MXD4: variants seen among roughly 807,000 people sequenced by gnomAD.
The protein encoded by MXD4 is Mad4 homolog.
In MXD4, 16 loss-of-function variants were observed where a neutral mutation model predicts 24.5. That is an observed-to-expected ratio of 0.65 (90% CI 0.44 to 0.99). The LOEUF is 0.99. MXD4 is among the 50% of genes least tolerant of loss of function. MXD4 has a pLI of 0.00. For synonymous variants in MXD4, 164 were observed against 134.2 expected (o/e 1.22, Z -1.54); for missense variants, 301 against 301.5 (o/e 1.00, Z 0.01).
chr4:2,250,523 C>A lies in MXD4; in HGVS notation c.*21G>T. On this transcript the variant is annotated 3_prime_UTR_variant, in exon 6 of 6. Transcript: ENST00000337190. ...ACGCGTGGCTGGCGGGCAGGCAGGCCAAGGAGCAGAGGGCACGGGCCTACG... is the reference window on the plus strand; with the variant it reads ...ACGCGTGGCTGGCGGGCAGGCAGGCAAAGGAGCAGAGGGCACGGGCCTACG... 6.5e-7 allele frequency: 1 copy of A among 1,542,360 alleles called. No individual in the cohort carries two copies. Among genetic ancestry groups the A allele is most frequent in the Non-Finnish European group, 8.7e-7 (1 of 1,144,912 alleles).
At chr4:2,258,353 G>A (rs546966527) in intron 2 of MXD4, among the ~76,000 whole-genome samples, 1 of 152,262 alleles carries the variant, frequency 6.6e-6, no homozygotes, top group South Asian at 2.1e-4. Flanking sequence ...GCTGCAGGCA[G>A]GTCCAGGGCG....
At chr4:2,260,084 T>A (rs1046673980) in intron 2 of MXD4, among the ~76,000 whole-genome samples, 3 of 152,224 alleles carry the variant, frequency 2.0e-5, no homozygotes, top group African/African-American at 4.8e-5. Flanking sequence ...AGGGCAGTGC[T>A]GCCCACCCGA....
At position 2,250,490 on chromosome 4, in the gene MXD4, G is replaced by T; in HGVS notation, c.*54C>A. On this transcript the variant is annotated 3_prime_UTR_variant, in exon 6 of 6. Coordinates refer to ENST00000337190, the MANE Select transcript of MXD4 (RefSeq NM_006454.3). ...TGGCGTCAACTGAAGGAGAACTGGA[G>T]GGCTGACACGCGTGGCTGGCGGGCA... 6.7e-7 allele frequency: 1 copy of T among 1,493,130 alleles called. No homozygotes were observed. Among genetic ancestry groups the T allele is most frequent in the East Asian group, 2.5e-5 (1 of 40,546 alleles). The allele number at this position is 1,493,130 out of a possible 1,614,324, so 92.5% of individuals were successfully genotyped here.
At chr4:2,255,436 G>A in intron 3 of MXD4, 1 of 455,488 alleles carries the variant, frequency 2.2e-6, no homozygotes, top group Non-Finnish European at 4.4e-6. Flanking sequence ...GCCCAAGAGT[G>A]TGGGCGCCAG....
intron 2 of MXD4, 81 bp downstream of exon 2, chr4:2,261,644 A>T (rs919967514): frequency 1.3e-4 from 107 of 814,506 alleles, no homozygotes; most frequent in Non-Finnish European, 1.6e-4. Flanking sequence ...GCGGGCCGGG[A>T]ATCGGGGCCC....
chr4:2,259,004 G>GGCCT, intron 2 of MXD4: 1 of 455,048 alleles, frequency 2.2e-6, no homozygotes, highest in Non-Finnish European at 4.4e-6. Context: ...CACCTTCCGT[G>GGCCT]TCCAGGCAGG....
At chr4:2,261,631 G>A in intron 2 of MXD4, 94 bp downstream of exon 2, 1 of 715,720 alleles carries the variant, frequency 1.4e-6, no homozygotes, top group Non-Finnish European at 1.8e-6. Flanking sequence ...GGCGCTGAGG[G>A]CCGCGGGCCG....
At position 2,261,820 on chromosome 4, in the gene MXD4, G is replaced by T; in HGVS notation, c.69C>A (p.Ala23=). Reference sequence around the variant, plus strand: ...GCAGCACCGAGGCGTAGCCGTGCTCGGCCTCTGCGGACACACGGCGCGGTC... The same window carrying T: ...GCAGCACCGAGGCGTAGCCGTGCTCTGCCTCTGCGGACACACGGCGCGGTC... ...AEYLERRDRE[A]EHGYASVLPF... The change falls in exon 2 of 6, where the codon GCC becomes GCA. Residue 23 remains alanine (A), a synonymous_variant. Coordinates refer to ENST00000337190, the MANE Select transcript of MXD4 (RefSeq NM_006454.3). 1 of 1,383,880 alleles carries T rather than the reference G, an allele frequency of 7.2e-7. No homozygotes were observed. 85.7% of individuals were successfully genotyped at this position (1,383,880 alleles called of 1,614,324 possible).
chr4:2,252,150 G>T (rs1164004522), intron 4 of MXD4, among the ~76,000 whole-genome samples: 4 of 152,108 alleles, frequency 2.6e-5, no homozygotes. Context: ...CTGCGATGCG[G>T]CTTCTTATGC....
chr4:2,261,392 GACA>G (rs1735541040), intron 2 of MXD4, among the ~76,000 whole-genome samples: 1 of 152,168 alleles, frequency 6.6e-6, no homozygotes, highest in African/African-American at 2.4e-5. Context: ...AGCGCCCGCT[GACA>G]ACTTTTCTAC....
intron 3 of MXD4, chr4:2,255,488 G>A: frequency 1.4e-5 from 6 of 436,506 alleles, no homozygotes; most frequent in Non-Finnish European, 2.8e-5. Context: ...GAGCAGCAGT[G>A]GCCTGGAGCC....
At chr4:2,258,539 G>A (rs1735476303) in intron 2 of MXD4, among the ~76,000 whole-genome samples, 1 of 152,192 alleles carries the variant, frequency 6.6e-6, no homozygotes, top group Non-Finnish European at 1.5e-5. Flanking sequence ...CTGTGTCCTT[G>A]GAGCCAAAGC....
chr4:2,256,717 G>C (rs1431475265), intron 3 of MXD4, among the ~76,000 whole-genome samples: 1 of 152,158 alleles, frequency 6.6e-6, no homozygotes, highest in Non-Finnish European at 1.5e-5. Flanking sequence ...CCTCTGGGAG[G>C]AGAGGACAGA....
chr4:2,251,360 A>T (rs1176860321), intron 4 of MXD4, 114 bp from the exon 5 acceptor site: 1 of 1,308,502 alleles, frequency 7.6e-7, no homozygotes, highest in East Asian at 2.6e-5. Flanking sequence ...CCCTGCCAAG[A>T]CCTAGCCAAG....
chr4:2,256,262 G>A (rs1735427102), intron 3 of MXD4, among the ~76,000 whole-genome samples: 1 of 152,220 alleles, frequency 6.6e-6, no homozygotes, highest in Non-Finnish European at 1.5e-5. Flanking sequence ...AGGACCCTGG[G>A]GTTGGCAACG....
rs1267973487 is a variant in MXD4, at chr4:2,248,745, CCCCAT to C, written c.*1794_*1798del. ...GGACCCCCTTCCGCCACAGTGGGCCCCCCATCCTGGGGCGTCTATGCGTACGACTG... is the reference window on the plus strand; with the variant it reads ...GGACCCCCTTCCGCCACAGTGGGCCCCCTGGGGCGTCTATGCGTACGACTG... On this transcript the variant is annotated 3_prime_UTR_variant, in exon 6 of 6. Transcript: ENST00000337190. The C allele has an allele frequency of 6.6e-6, 1 of 152,320 alleles. No individual in the cohort carries two copies. Among genetic ancestry groups the C allele is most frequent in the Non-Finnish European group, 1.5e-5 (1 of 68,106 alleles). The allele number at this position is 152,320 out of a possible 1,614,324, so 9.4% of individuals were successfully genotyped here.
chr4:2,253,684 G>A (rs1735367164), intron 3 of MXD4: 1 of 152,196 alleles, frequency 6.6e-6, no homozygotes, highest in Non-Finnish European at 1.5e-5. Flanking sequence ...TTGTCCCCCT[G>A]GGAGTAACGT....
At position 2,261,754 on chromosome 4, in the gene MXD4, G is replaced by C; in HGVS notation, c.135C>G (p.Ala45=). Residue 45 remains alanine, a synonymous_variant, in exon 2 of 6, where the codon GCC becomes GCG. Transcript: ENST00000337190. ...TGTTCGGGGCCTTGCGCACCAGGCCGGCCGCCTTTGTTTTCTCCCTGGCGA... is the reference window on the plus strand; with the variant it reads ...TGTTCGGGGCCTTGCGCACCAGGCCCGCCGCCTTTGTTTTCTCCCTGGCGA... The part of the protein sequence containing the change: ...GDFAREKTKA[A]GLVRKAPNNR... 7.0e-7 allele frequency: 1 copy of C among 1,428,160 alleles called. No individual in the cohort carries two copies. The highest frequency in any genetic ancestry group is 9.2e-7 in the Non-Finnish European group (1 of 1,084,002). The allele number at this position is 1,428,160 out of a possible 1,614,324, so 88.5% of individuals were successfully genotyped here.
rs1225290502 is a variant in MXD4 at position 2,248,623 on chromosome 4, C to T, written c.*1921G>A. 6.6e-6 allele frequency: 1 copy of T among 152,326 alleles called. No individual in the cohort carries two copies. Among genetic ancestry groups the T allele is most frequent in the African/African-American group, 2.4e-5 (1 of 41,434 alleles). The allele number at this position is 152,326 out of a possible 1,614,324, so 9.4% of individuals were successfully genotyped here. On this transcript the variant is annotated 3_prime_UTR_variant, in exon 6 of 6. Coordinates refer to ENST00000337190, the MANE Select transcript of MXD4 (RefSeq NM_006454.3). ...CCGGAAGGAGATGCAGACAGGCCTC[C>T]TCACAACCACCCGCAACGCGTTCGG...
Sources: gnomAD v4.1 joint callset for allele counts (sites outside exome capture counted in the v4.1 genomes callset) on GRCh38, gnomAD v4.1.1 for gene constraint, MANE v1.5 for transcripts, NCBI Gene and HGNC (gene_info 2026-07-23, HGNC 2026-07-21) for gene names.